MIDN: variants seen among roughly 807,000 people sequenced by gnomAD.
MIDN encodes midnolin.
MIDN carries 26 observed loss-of-function variants against 46.1 expected under a neutral mutation model. That is an observed-to-expected ratio of 0.56 (90% CI 0.41 to 0.78). MIDN has a LOEUF of 0.78. Ranked by LOEUF, MIDN falls within the 30% of genes least tolerant of loss-of-function variation. The probability of loss-of-function intolerance (pLI) is 0.00; values close to 1 mark genes in which losing one functional copy is unlikely to be tolerated. For missense variants in MIDN, 850 were observed against 771.8 expected (o/e 1.10, Z -1.20); for synonymous variants, 432 against 343.3 (o/e 1.26, Z -2.86).
At chr19:1,250,958 C>T (rs544280293) in intron 2 of MIDN, among the ~76,000 whole-genome samples, 59 of 152,200 alleles carry the variant, frequency 3.9e-4, no homozygotes, top group South Asian at 1.4e-3. Context: ...CCGCAGCCTC[C>T]CCTCCCCCCT....
intron 2 of MIDN, 96 bp downstream of exon 2, chr19:1,250,625 A>C: frequency 1.7e-6 from 1 of 597,698 alleles, no homozygotes; most frequent in Non-Finnish European, 2.2e-6. Flanking sequence ...GGGGGCGGCC[A>C]GACAGGGGGC....
chr19:1,256,497 A>C (rs866907616), intron 8 of MIDN, among the ~76,000 whole-genome samples: 2 of 151,382 alleles, frequency 1.3e-5, no homozygotes, highest in African/African-American at 4.9e-5. Flanking sequence ...AAAAAAAAAA[A>C]AACCAAGGTA....
chr19:1,252,626 C>G (rs1192879142), intron 4 of MIDN, among the ~76,000 whole-genome samples: 4 of 152,122 alleles, frequency 2.6e-5, no homozygotes, highest in Admixed American at 6.5e-5. Flanking sequence ...GGCCACCTCC[C>G]AGGAGGGTGA....
chr19:1,255,059 C>G lies in MIDN; in HGVS notation c.983C>G (p.Ser328Cys), dbSNP rs750214013. 1 of 1,611,714 alleles carries G rather than the reference C, an allele frequency of 6.2e-7. No individual in the cohort carries two copies. The highest frequency in any genetic ancestry group is 2.2e-5 in the East Asian group (1 of 44,840). The change falls in exon 7 of 9, where the codon TCT becomes TGT. Residue 328 changes from serine (S) to cysteine (C), a missense_variant and splice_region_variant. Coordinates refer to ENST00000682408, the MANE Select transcript of MIDN (RefSeq NM_001388306.1). ...CCGGGGGTCTTCTCAGGGACCTTCT[C>G]TGGTAGGTGTCACAGCACATGTGTG... ...HAPGVFSGTF[S>C]GTLHPNCQDS...
chr19:1,250,535 T>C lies in MIDN; in HGVS notation c.233+6T>C. 8.2e-7 allele frequency: 1 copy of C among 1,222,344 alleles called. No homozygotes were observed. Among genetic ancestry groups the C allele is most frequent in the African/African-American group, 1.6e-5 (1 of 62,276 alleles). 75.7% of individuals were successfully genotyped at this position (1,222,344 alleles called of 1,614,324 possible). ...GCTCTTCTCCACAAAGACACGTAGG[T>C]ACCGCGCGCCCCCGGCCGGCCGCCC... is the stretch of plus-strand genomic sequence containing the variant. On this transcript the variant is annotated splice_donor_region_variant and intron_variant, in intron 2 of 8. Transcript: ENST00000682408.
chr19:1,257,543 G>GTC lies in MIDN; in HGVS notation c.*274_*275dup. 2.8e-6 allele frequency: 1 copy of GTC among 356,062 alleles called. No individual in the cohort carries two copies. Among genetic ancestry groups the GTC allele is most frequent in the South Asian group, 4.2e-5 (1 of 23,754 alleles). The allele number at this position is 356,062 out of a possible 1,614,324, so 22.1% of individuals were successfully genotyped here. ...TCCTCCTCCTCCTCCTCCTCCGTCT[G>GTC]TCTCCTTTCACCTCTGCGCCAGGTC... On this transcript the variant is annotated 3_prime_UTR_variant, in exon 9 of 9. Coordinates refer to ENST00000682408, the MANE Select transcript of MIDN (RefSeq NM_001388306.1).
At chr19:1,253,426 C>G (rs773972955) in intron 4 of MIDN, among the ~76,000 whole-genome samples, 5,314 of 151,480 alleles carry the variant, frequency 0.035, 168 homozygotes, top group Non-Finnish European at 0.058. Context: ...CCGCCACCCC[C>G]CCCCCCATCC....
chr19:1,249,048 C>G (rs1001278298), intron 1 of MIDN, among the ~76,000 whole-genome samples: 1 of 151,846 alleles, frequency 6.6e-6, no homozygotes, highest in African/African-American at 2.4e-5. Flanking sequence ...CCCGGGACTC[C>G]GGGCGGCGCT....
In MIDN at chr19:1,250,535, TA is replaced by T. The variant is rs2081112400; in HGVS notation, c.233+7del. On this transcript the variant is annotated splice_region_variant and intron_variant, in intron 2 of 8. Transcript: ENST00000682408. Reference sequence around the variant, plus strand: ...GCTCTTCTCCACAAAGACACGTAGGTACCGCGCGCCCCCGGCCGGCCGCCCC... The same window carrying T: ...GCTCTTCTCCACAAAGACACGTAGGTCCGCGCGCCCCCGGCCGGCCGCCCC... The T allele has an allele frequency of 8.2e-7, 1 of 1,222,234 alleles. No homozygotes were observed. The highest frequency in any genetic ancestry group is 1.6e-5 in the African/African-American group (1 of 62,158). 75.7% of individuals were successfully genotyped at this position (1,222,234 alleles called of 1,614,324 possible). A position where few individuals can be genotyped will look rare whatever the true frequency, so the allele number is the denominator to read the frequency against.
In MIDN at chr19:1,251,922, T is replaced by C. The variant is rs893649606; in HGVS notation, c.384+21T>C. On this transcript the variant is annotated intron_variant, in intron 4 of 8. Coordinates refer to ENST00000682408, the MANE Select transcript of MIDN (RefSeq NM_001388306.1). ...CGCAGGTAAGACCTCGCCAGCCCCT[T>C]CCTAACAGGGCAGCCCTGGGAGCAG... 3 of 1,608,342 alleles carry C rather than the reference T, an allele frequency of 1.9e-6. No individual in the cohort carries two copies. The African/African-American group carries it at 4.0e-5, about 22-fold the overall frequency.
intron 4 of MIDN, among the ~76,000 whole-genome samples, chr19:1,252,192 C>A (rs1027109806): frequency 2.0e-5 from 3 of 152,228 alleles, no homozygotes; most frequent in African/African-American, 7.2e-5. Context: ...CATCCCCGCT[C>A]ACACCCTGGC....
chr19:1,254,361 GCCGGTGTCCAGTGCCGCCCGAGTCCCC>G lies in MIDN; in HGVS notation c.715_741del (p.Ser239_Val247del). 6.4e-7 allele frequency: 1 copy of G among 1,562,232 alleles called. No homozygotes were observed. The highest frequency in any genetic ancestry group is 8.6e-7 in the Non-Finnish European group (1 of 1,160,864). On this transcript the variant is annotated inframe_deletion, in exon 6 of 9. Transcript: ENST00000682408. ...CCTCCCCCGTGTCCTCGCCCTGCCG[GCCGGTGTCCAGTGCCGCCCGAGTCCCC>G]CCGGTGCCCACCAGCCCGTCCCCTG...
At position 1,251,595 on chromosome 19, in the gene MIDN, C is replaced by T. The variant is rs753665931; in HGVS notation, c.267C>T (p.Gly89=). The T allele has an allele frequency of 3.1e-6, 5 of 1,606,420 alleles. No homozygotes were observed. Among genetic ancestry groups the T allele is most frequent in the East Asian group, 4.5e-5 (2 of 44,834 alleles). ...RLSSGKLQEF[G]VGDGSKLTLV... ...GTTCGGGGAAGCTGCAGGAGTTCGG[C>T]GTGGGTGATGGCAGCAAGCTGACCT... Residue 89 remains glycine (G), a synonymous_variant, in exon 3 of 9, where the codon GGC becomes GGT. Coordinates refer to ENST00000682408, the MANE Select transcript of MIDN (RefSeq NM_001388306.1).
At position 1,257,704 on chromosome 19, in the gene MIDN, C is replaced by T. The variant is rs1000803021; in HGVS notation, c.*432C>T. On this transcript the variant is annotated 3_prime_UTR_variant, in exon 9 of 9. Transcript: ENST00000682408. ...CCCCGACCCTATTCAGGTTTTAAGT[C>T]AAAAATGTCGATATGTCATTATGCA... 5.5e-6 allele frequency: 1 copy of T among 180,598 alleles called. No homozygotes were observed. The allele number at this position is 180,598 out of a possible 1,614,324, so 11.2% of individuals were successfully genotyped here. A position where few individuals can be genotyped will look rare whatever the true frequency, so the allele number is the denominator to read the frequency against.
chr19:1,252,388 C>T (rs1331635319), intron 4 of MIDN, among the ~76,000 whole-genome samples: 1 of 151,496 alleles, frequency 6.6e-6, no homozygotes. Context: ...CTCCCCTCCT[C>T]TCTCTGGCCT....
At chr19:1,251,531 G>A (rs532362042) in intron 2 of MIDN, 31 bp from the exon 3 acceptor site, 23 of 1,599,854 alleles carry the variant, frequency 1.4e-5, no homozygotes, top group Non-Finnish European at 2.0e-5. Context: ...TCGTCTCCGC[G>A]GAGTCTCATG....
chr19:1,255,687 G>T lies in MIDN; in HGVS notation c.1251G>T (p.Lys417Asn). 6.4e-7 allele frequency: 1 copy of T among 1,574,154 alleles called. No homozygotes were observed. The highest frequency in any genetic ancestry group is 8.6e-7 in the Non-Finnish European group (1 of 1,163,392). Residue 417 changes from lysine to asparagine, a missense_variant, in exon 8 of 9, where the codon AAG becomes AAT. By Grantham distance (94) the Lys-to-Asn change is moderately conservative (BLOSUM62 0). Transcript: ENST00000682408. ...LQGQSQIRMC[K>N]PPGDRLRQTE... ...GCCAGAGCCAGATCCGCATGTGCAA[G>T]CCCCCGGGTGAGTGGCCACCCTCGG... is the stretch of plus-strand genomic sequence containing the variant.
chr19:1,248,912 C>T (rs1034557135), intron 1 of MIDN, among the ~76,000 whole-genome samples: 2 of 151,958 alleles, frequency 1.3e-5, no homozygotes, highest in African/African-American at 2.4e-5. Flanking sequence ...TGCCGTTCCG[C>T]CCTCCGTTGC....
chr19:1,257,883 C>G lies in MIDN; in HGVS notation c.*611C>G, dbSNP rs1223715831. The G allele has an allele frequency of 6.7e-6, 1 of 148,340 alleles. No individual in the cohort carries two copies. Among genetic ancestry groups the G allele is most frequent in the African/African-American group, 2.5e-5 (1 of 39,224 alleles). The allele number at this position is 148,340 out of a possible 1,614,324, so 9.2% of individuals were successfully genotyped here. A position where few individuals can be genotyped will look rare whatever the true frequency, so the allele number is the denominator to read the frequency against. ...ACGAGGGGACTGTTTCTCTTCCACT[C>G]CTATCCTCTTTTCTTGATCTTTTTT... On this transcript the variant is annotated 3_prime_UTR_variant, in exon 9 of 9. Coordinates refer to ENST00000682408, the MANE Select transcript of MIDN (RefSeq NM_001388306.1).
Sources: gnomAD v4.1 joint callset for allele counts (sites outside exome capture counted in the v4.1 genomes callset) on GRCh38, gnomAD v4.1.1 for gene constraint, MANE v1.5 for transcripts, NCBI Gene and HGNC (gene_info 2026-07-23, HGNC 2026-07-21) for gene names.